ZNF565: variants seen among roughly 807,000 people sequenced by gnomAD.
ZNF565 encodes zinc finger protein 565.
ZNF565 carries 27 observed loss-of-function variants against 39.4 expected under a neutral mutation model. That is an observed-to-expected ratio of 0.69 (90% CI 0.51 to 0.95). The LOEUF (loss-of-function observed/expected upper bound fraction) is 0.95, where lower values mean the gene tolerates loss of function less well. Ranked by LOEUF, ZNF565 falls within the 40% of genes least tolerant of loss-of-function variation. The pLI, the probability that ZNF565 is intolerant of heterozygous loss-of-function variation, is 0.00. For synonymous variants in ZNF565, 185 were observed against 216.6 expected (o/e 0.85, Z 1.28); for missense variants, 524 against 621.1 (o/e 0.84, Z 1.66).
intron 4 of ZNF565, among the ~76,000 whole-genome samples, chr19:36,192,051 TGATCTTG>T (rs1286099239): frequency 6.7e-6 from 1 of 149,334 alleles, no homozygotes; most frequent in South Asian, 2.1e-4. Context: ...TGCAGTGGCG[TGATCTTG>T]GCTCCCTGCA....
intron 1 of ZNF565, among the ~76,000 whole-genome samples, chr19:36,229,155 A>G (rs933025723): frequency 1.3e-5 from 2 of 152,152 alleles, no homozygotes; most frequent in Non-Finnish European, 2.9e-5. Flanking sequence ...AACCTTACAT[A>G]TTGTCTGATA....
At position 36,245,415 on chromosome 19, in the gene ZNF565, A is replaced by C. The variant is rs1346746148; in HGVS notation, c.55+61T>G. 2 of 700,314 alleles carry C rather than the reference A, an allele frequency of 2.9e-6. No individual in the cohort carries two copies. The highest frequency in any genetic ancestry group is 3.5e-5 in the African/African-American group (2 of 56,820). 43.4% of individuals were successfully genotyped at this position (700,314 alleles called of 1,614,324 possible). On this transcript the variant is annotated intron_variant, in intron 1 of 4. Coordinates refer to the ZNF565 transcript ENST00000355114. The surrounding 1 kb of genome is among the most constrained non-coding windows in gnomAD (Gnocchi z 4.4). ...CGACCCGGAAAGCTCCGCGCTTACG[A>C]CGCCCACCCAGAAAATCCGGATCAC...
rs147168001 is a variant in ZNF565, at chr19:36,182,638, C to A, written c.1328G>T (p.Cys443Phe). ...CTCCCTGCATTCATAGGGTTTCTCACAAGTGTGAATTCGCTGATGATGAGT... is the reference window on the plus strand; with the variant it reads ...CTCCCTGCATTCATAGGGTTTCTCAAAAGTGTGAATTCGCTGATGATGAGT... ...QLTHHQRIHT[C>F]EKPYECRECG... The change falls in exon 5 of 5, where the codon TGT becomes TTT. Residue 443 changes from cysteine (C) to phenylalanine (F), a missense_variant. Cys to Phe is a radical substitution (Grantham distance 205). Transcript: ENST00000304116. The A allele has an allele frequency of 4.3e-5, 69 of 1,613,990 alleles. No homozygotes were observed. The African/African-American group carries it at 8.9e-4, about 21-fold the overall frequency.
At chr19:36,234,674 G>A (rs1303697938) in intron 1 of ZNF565, among the ~76,000 whole-genome samples, 1 of 152,194 alleles carries the variant, frequency 6.6e-6, no homozygotes, top group Non-Finnish European at 1.5e-5. Flanking sequence ...TGGGATTACA[G>A]GCGTGAGCCA....
upstream of ZNF565, chr19:36,214,985 C>A: frequency 6.6e-6 from 1 of 152,390 alleles, no homozygotes. Context: ...GAAATGTAGT[C>A]CAAGGCCTGA....
At chr19:36,229,068 G>A (rs995744734) in intron 1 of ZNF565, among the ~76,000 whole-genome samples, 1 of 152,224 alleles carries the variant, frequency 6.6e-6, no homozygotes, top group Non-Finnish European at 1.5e-5. Flanking sequence ...CTTCGTCTGT[G>A]CCGCCACTGT....
chr19:36,222,621 T>C (rs556639455), intron 1 of ZNF565, among the ~76,000 whole-genome samples: 67 of 151,454 alleles, frequency 4.4e-4, no homozygotes, highest in Non-Finnish European at 9.0e-4. Flanking sequence ...TCCCTTCTTA[T>C]GAATGAGAAT....
intron 2 of ZNF565, among the ~76,000 whole-genome samples, chr19:36,199,943 A>C (rs995974397): frequency 1.3e-5 from 2 of 151,422 alleles, no homozygotes; most frequent in African/African-American, 4.9e-5. Context: ...TTACAGGGTG[A>C]GCCACTGGGC....
chr19:36,241,515 G>C (rs751187888), intron 1 of ZNF565, among the ~76,000 whole-genome samples: 2 of 149,692 alleles, frequency 1.3e-5, no homozygotes, highest in African/African-American at 4.9e-5. Flanking sequence ...TGTTGGGGCC[G>C]TGCGCAGTGG....
At position 36,182,296 on chromosome 19, in the gene ZNF565, G is replaced by C. The variant is rs10425010; in HGVS notation, c.*170C>G. The C allele has an allele frequency of 0.077, 38,941 of 508,332 alleles. 1,563 individuals are homozygous for C. The highest frequency in any genetic ancestry group is 0.1 in the African/African-American group (5,432 of 52,100). 31.5% of individuals were successfully genotyped at this position (508,332 alleles called of 1,614,324 possible). On this transcript the variant is annotated 3_prime_UTR_variant, in exon 5 of 5. Coordinates refer to ENST00000304116, the MANE Select transcript of ZNF565 (RefSeq NM_152477.5). ...TAGGAAACAGTGAGTGAGGCAAAAAGAATTCCCACATTTATTTAATTTTCT... is the reference window on the plus strand; with the variant it reads ...TAGGAAACAGTGAGTGAGGCAAAAACAATTCCCACATTTATTTAATTTTCT...
At chr19:36,217,055 C>CT (rs752632008), upstream of ZNF565, among the ~76,000 whole-genome samples, 3,789 of 65,686 alleles carry the variant, frequency 0.058, 504 homozygotes, top group Admixed American at 0.077. Flanking sequence ...CAGTCCCTGT[C>CT]TTTTTTTTTT....
upstream of ZNF565, among the ~76,000 whole-genome samples, chr19:36,216,292 A>C (rs974567170): frequency 2.6e-5 from 4 of 152,182 alleles, no homozygotes; most frequent in African/African-American, 4.8e-5. Flanking sequence ...GTGAACAAAT[A>C]AATATACCAT....
rs908475195 is a variant in ZNF565 at position 36,245,397 on chromosome 19, G to A, written c.55+79C>T. Reference sequence around the variant, plus strand: ...AAGGGAGGACAGTCACTGCGACCCGGAAAGCTCCGCGCTTACGACGCCCAC... The same window carrying A: ...AAGGGAGGACAGTCACTGCGACCCGAAAAGCTCCGCGCTTACGACGCCCAC... On this transcript the variant is annotated intron_variant, in intron 1 of 4. Coordinates refer to the ZNF565 transcript ENST00000355114. The surrounding 1 kb of genome is among the most constrained non-coding windows in gnomAD (Gnocchi z 4.4). 1 of 699,638 alleles carries A rather than the reference G, an allele frequency of 1.4e-6. No homozygotes were observed. The highest frequency in any genetic ancestry group is 1.5e-5 in the South Asian group (1 of 67,354). 43.3% of individuals were successfully genotyped at this position (699,638 alleles called of 1,614,324 possible).
intron 2 of ZNF565, 149 bp from the exon 3 acceptor site, chr19:36,195,305 A>G: frequency 1.1e-6 from 1 of 912,782 alleles, no homozygotes; most frequent in Non-Finnish European, 1.6e-6. Flanking sequence ...AACAAGGTGT[A>G]CCCTGTTTTA....
At chr19:36,237,322 A>AC in intron 1 of ZNF565, 1 of 1,585,098 alleles carries the variant, frequency 6.3e-7, no homozygotes, top group Non-Finnish European at 8.6e-7. Context: ...CTCACTAAAA[A>AC]CCCCATGAAA....
intron 1 of ZNF565, among the ~76,000 whole-genome samples, chr19:36,213,944 A>T (rs965326948): frequency 6.6e-6 from 1 of 151,978 alleles, no homozygotes; most frequent in African/African-American, 2.4e-5. Flanking sequence ...TTACTCCCGT[A>T]TAGTCACAAG....
intron 1 of ZNF565, chr19:36,237,418 G>A: frequency 7.0e-7 from 1 of 1,424,954 alleles, no homozygotes; most frequent in Non-Finnish European, 9.4e-7. Context: ...CACCACGAAT[G>A]AGGTTAACTT....
intron 4 of ZNF565, among the ~76,000 whole-genome samples, chr19:36,184,425 C>A (rs1374053714): frequency 1.3e-5 from 2 of 151,968 alleles, no homozygotes; most frequent in African/African-American, 4.8e-5. Flanking sequence ...CTACCACACC[C>A]AGCTAATTTT....
intron 1 of ZNF565, among the ~76,000 whole-genome samples, chr19:36,226,570 A>T (rs910909468): frequency 2.0e-5 from 3 of 152,100 alleles, no homozygotes; most frequent in Non-Finnish European, 4.4e-5. Context: ...CCAAATGTGT[A>T]TGATTTTTTT....
Sources: gnomAD v4.1 joint callset for allele counts (sites outside exome capture counted in the v4.1 genomes callset) on GRCh38, gnomAD v4.1.1 for gene constraint, Gnocchi (gnomAD v3.1) non-coding constraint, MANE v1.5 for transcripts, NCBI Gene and HGNC (gene_info 2026-07-23, HGNC 2026-07-21) for gene names.